HECTD4: variants seen among roughly 807,000 people sequenced by gnomAD.
HECTD4 encodes probable E3 ubiquitin-protein ligase HECTD4.
In HECTD4, 114 loss-of-function variants were observed where a neutral mutation model predicts 471.5. The ratio of observed to expected loss-of-function variants is 0.24; its 90% CI spans 0.21 to 0.28. The LOEUF (loss-of-function observed/expected upper bound fraction) is 0.28, where lower values mean the gene tolerates loss of function less well. Ranked by LOEUF, HECTD4 falls within the 10% of genes least tolerant of loss-of-function variation. HECTD4 has a pLI of 1.00. For missense variants in HECTD4, 3,866 were observed against 5,651.5 expected (o/e 0.68, Z 10.13); for synonymous variants, 2,012 against 2,256.0 (o/e 0.89, Z 3.07).
At chr12:112,258,928 C>T (rs1320612703) in intron 19 of HECTD4, 184 bp downstream of exon 19, 2 of 619,954 alleles carry the variant, frequency 3.2e-6, no homozygotes, top group South Asian at 2.4e-5. Context: ...TTTAGTCAAA[C>T]AAATAAAATG....
rs746581261 is a variant in HECTD4 at position 112,270,315 on chromosome 12, T to C, written c.2087A>G (p.His696Arg). The C allele has an allele frequency of 6.2e-7, 1 of 1,614,090 alleles. No homozygotes were observed. The highest frequency in any genetic ancestry group is 8.5e-7 in the Non-Finnish European group (1 of 1,179,904). ...VLGKQHPIEA[H>R]HLSSICDIME... Reference sequence around the variant, plus strand: ...AATGTCACAAATACTGCTAAGATGATGTGCTTCAATTGGATGCTGCTTGCC... The same window carrying C: ...AATGTCACAAATACTGCTAAGATGACGTGCTTCAATTGGATGCTGCTTGCC... Residue 696 changes from histidine to arginine, a missense_variant, in exon 12 of 76, where the codon CAT becomes CGT. Coordinates refer to ENST00000682272, the MANE Select transcript of HECTD4 (RefSeq NM_001388303.1).
intron 9 of HECTD4, among the ~76,000 whole-genome samples, chr12:112,278,460 G>A (rs921144579): frequency 2.6e-5 from 4 of 152,208 alleles, no homozygotes; most frequent in African/African-American, 9.7e-5. Context: ...CATTACTACA[G>A]TGTGCCTCCT....
rs202020787 is a variant in HECTD4, at chr12:112,182,092, T to TAA, written c.10987+965_10987+966dup. 7.0e-3 allele frequency among the ~76,000 whole-genome samples: 1,029 copies of TAA among 146,570 alleles called. 6 individuals carry two copies. Among genetic ancestry groups the TAA allele is most frequent in the Non-Finnish European group, 0.011 (701 of 66,066 alleles). On this transcript the variant is annotated intron_variant, in intron 62 of 75. Transcript: ENST00000682272. ...CGGGTGACAGAGCGAGACTCTGTCT[T>TAA]AAAAAAAAAAAGATTACAATTTTAT...
intron 1 of HECTD4, among the ~76,000 whole-genome samples, chr12:112,376,322 C>G (rs183707814): frequency 6.6e-6 from 1 of 152,120 alleles, no homozygotes; most frequent in Admixed American, 6.6e-5. Context: ...TCTCGGCTCA[C>G]TGCAAGCTCC....
At chr12:112,314,140 G>A (rs2035431377) in intron 3 of HECTD4, among the ~76,000 whole-genome samples, 1 of 152,032 alleles carries the variant, frequency 6.6e-6, no homozygotes, top group Admixed American at 6.6e-5. Context: ...CTAGCCTCAA[G>A]CAATCCTCCT....
At chr12:112,288,010 C>CTT (rs770466095) in intron 7 of HECTD4, among the ~76,000 whole-genome samples, 22 of 144,024 alleles carry the variant, frequency 1.5e-4, no homozygotes, top group Middle Eastern at 3.6e-3. Flanking sequence ...GGTCAGATGA[C>CTT]TTTTTTTTTT....
At chr12:112,345,767 C>T (rs2036137089) in intron 1 of HECTD4, among the ~76,000 whole-genome samples, 1 of 152,148 alleles carries the variant, frequency 6.6e-6, no homozygotes, top group Admixed American at 6.5e-5. Context: ...TGGTGGCGGG[C>T]ACCTGTAGTC....
intron 44 of HECTD4, among the ~76,000 whole-genome samples, chr12:112,224,368 G>A (rs920805497): frequency 6.6e-6 from 1 of 151,392 alleles, no homozygotes; most frequent in South Asian, 2.1e-4. Flanking sequence ...CGGGGTTCAC[G>A]CCATTCTCCT....
At chr12:112,334,541 T>G (rs978329158) in intron 1 of HECTD4, among the ~76,000 whole-genome samples, 1 of 148,248 alleles carries the variant, frequency 6.7e-6, no homozygotes, top group African/African-American at 2.5e-5. Flanking sequence ...ACGCCTGTAA[T>G]CCCAGCACTT....
chr12:112,376,399 A>G (rs905781191), intron 1 of HECTD4, among the ~76,000 whole-genome samples: 7 of 152,078 alleles, frequency 4.6e-5, no homozygotes, highest in Middle Eastern at 6.8e-3. Context: ...GGCGCCCGCC[A>G]CCACGCCCGG....
chr12:112,204,416 C>T (rs1324625853), intron 53 of HECTD4, 70 bp downstream of exon 53: 1 of 1,417,824 alleles, frequency 7.1e-7, no homozygotes, highest in African/African-American at 1.4e-5. Context: ...GCTGCTTGTG[C>T]ACATTAAGGA....
At position 112,193,288 on chromosome 12, in the gene HECTD4, CTAAA is replaced by C; in HGVS notation, c.8956-101_8956-98del. ...ATGGCCCAGGAAATCAGCCAAACGA[CTAAA>C]TAGCCCTCTGGAAGGAAGCAAGCTA... On this transcript the variant is annotated intron_variant, in intron 57 of 75. Transcript: ENST00000682272. The surrounding 1 kb of genome is among the most constrained non-coding windows in gnomAD (Gnocchi z 5.2). 1.4e-6 allele frequency: 2 copies of C among 1,472,866 alleles called. No individual in the cohort carries two copies. Among genetic ancestry groups the C allele is most frequent in the South Asian group, 1.2e-5 (1 of 80,092 alleles). The allele number at this position is 1,472,866 out of a possible 1,614,324, so 91.2% of individuals were successfully genotyped here.
chr12:112,345,129 T>C (rs1303722745), intron 1 of HECTD4, among the ~76,000 whole-genome samples: 1 of 152,074 alleles, frequency 6.6e-6, no homozygotes, highest in Non-Finnish European at 1.5e-5. Context: ...GGCATGTACC[T>C]GTGGTCCCAG....
chr12:112,315,725 G>GT (rs1030641647), intron 2 of HECTD4, among the ~76,000 whole-genome samples: 4 of 151,934 alleles, frequency 2.6e-5, no homozygotes, highest in Non-Finnish European at 4.4e-5. Context: ...AATCAGATTT[G>GT]TTTTTTTAAA....
At chr12:112,292,311 T>C (rs1030157354) in intron 7 of HECTD4, among the ~76,000 whole-genome samples, 1 of 152,218 alleles carries the variant, frequency 6.6e-6, no homozygotes, top group Non-Finnish European at 1.5e-5. Flanking sequence ...CTTTATTTTA[T>C]TCAGGTGTCA....
intron 1 of HECTD4, among the ~76,000 whole-genome samples, chr12:112,355,718 C>T (rs186971472): frequency 8.8e-4 from 133 of 151,912 alleles, no homozygotes; most frequent in Non-Finnish European, 1.3e-3. Flanking sequence ...GAGCGGAGGT[C>T]GCACCACTGC....
intron 1 of HECTD4, among the ~76,000 whole-genome samples, chr12:112,380,378 G>C (rs1451641367): frequency 2.0e-5 from 3 of 152,070 alleles, no homozygotes; most frequent in African/African-American, 7.2e-5. Flanking sequence ...CCGGGAGGCA[G>C]AGGCTGCAGT....
In HECTD4 at chr12:112,162,676, T is replaced by C. The variant is rs1384390523; in HGVS notation, c.13121-153A>G. The stretch of plus-strand genomic sequence containing the variant: ...GGAGGGGGATGAGGGCCTGGGAACC[T>C]GCGAGATGTTCTTGGAGGGAAAAGG... On this transcript the variant is annotated intron_variant, in intron 75 of 75. Transcript: ENST00000682272. The surrounding 1 kb of genome is among the most constrained non-coding windows in gnomAD (Gnocchi z 5.2). The C allele has an allele frequency of 1.2e-6, 1 of 831,860 alleles. No individual in the cohort carries two copies. The highest frequency in any genetic ancestry group is 1.9e-6 in the Non-Finnish European group (1 of 535,694). 51.5% of individuals were successfully genotyped at this position (831,860 alleles called of 1,614,324 possible).
chr12:112,346,650 C>T (rs1298649576), intron 1 of HECTD4, among the ~76,000 whole-genome samples: 2 of 152,202 alleles, frequency 1.3e-5, no homozygotes, highest in Admixed American at 1.3e-4. Flanking sequence ...CACTTTATAA[C>T]ATAAATCAGG....
Sources: gnomAD v4.1 joint callset for allele counts (sites outside exome capture counted in the v4.1 genomes callset) on GRCh38, gnomAD v4.1.1 for gene constraint, Gnocchi (gnomAD v3.1) non-coding constraint, MANE v1.5 for transcripts, NCBI Gene and HGNC (gene_info 2026-07-23, HGNC 2026-07-21) for gene names.